CSMD3: variants seen among roughly 807,000 people sequenced by gnomAD.
The protein encoded by CSMD3 is CUB and Sushi multiple domains 3.
CSMD3 carries 177 observed loss-of-function variants against 435.2 expected under a neutral mutation model. The ratio of observed to expected loss-of-function variants is 0.41; its 90% CI spans 0.36 to 0.46. The LOEUF (loss-of-function observed/expected upper bound fraction) is 0.46. Among genes scored for constraint, CSMD3 ranks in the 20% least tolerant of loss-of-function variants. The probability of loss-of-function intolerance (pLI) is 0.34; values close to 1 mark genes in which losing one functional copy is unlikely to be tolerated. For synonymous variants in CSMD3, 1,656 were observed against 1,520.5 expected, an observed-to-expected ratio of 1.09 and a Z score of -2.07; for missense variants, 4,265 against 4,504.6, an observed-to-expected ratio of 0.95 and a Z score of 1.52.
intron 10 of CSMD3, among the ~76,000 whole-genome samples, chr8:112,917,875 T>C (rs1030589318): frequency 1.3e-5 from 2 of 151,964 alleles, no homozygotes; most frequent in African/African-American, 4.8e-5. Flanking sequence ...TCAATTCACA[T>C]TGTGATTGCC....
chr8:113,187,144 T>C (rs1033645218), intron 3 of CSMD3, among the ~76,000 whole-genome samples: 1 of 151,850 alleles, frequency 6.6e-6, no homozygotes, highest in Admixed American at 6.6e-5. Flanking sequence ...TGGGAGTTTT[T>C]TTTTTTCTTC....
intron 9 of CSMD3, among the ~76,000 whole-genome samples, chr8:112,925,649 T>C (rs370229003): frequency 3.3e-4 from 51 of 152,276 alleles, no homozygotes; most frequent in African/African-American, 1.2e-3. Context: ...TAAGTTAAGA[T>C]GGAGCAGTAA....
intron 32 of CSMD3, among the ~76,000 whole-genome samples, chr8:112,458,215 C>CCACA (rs1283555462): frequency 6.6e-6 from 1 of 150,690 alleles, no homozygotes; most frequent in Non-Finnish European, 1.5e-5. Flanking sequence ...ACACTCACAC[C>CCACA]CACACACACA....
chr8:112,613,178 A>C (rs1833398625), intron 22 of CSMD3, among the ~76,000 whole-genome samples: 2 of 152,108 alleles, frequency 1.3e-5, no homozygotes, highest in African/African-American at 2.4e-5. Context: ...TGTCACCTAA[A>C]GGTGTCTTAA....
intron 68 of CSMD3, 129 bp downstream of exon 68, chr8:112,234,232 ATATT>A (rs1306164992): frequency 1.6e-5 from 9 of 570,614 alleles, no homozygotes; most frequent in Non-Finnish European, 2.7e-5. Context: ...AGAATACTAA[ATATT>A]TATATTTACT....
intron 13 of CSMD3, among the ~76,000 whole-genome samples, chr8:112,789,610 T>C (rs979265041): frequency 3.5e-5 from 5 of 142,040 alleles, no homozygotes; most frequent in African/African-American, 1.2e-4. Flanking sequence ...ATTATGTTAG[T>C]ATATGACAGA....
chr8:113,285,113 G>T (rs1247477996), intron 2 of CSMD3, among the ~76,000 whole-genome samples: 2 of 152,128 alleles, frequency 1.3e-5, no homozygotes, highest in African/African-American at 2.4e-5. Flanking sequence ...GCCCATGTAG[G>T]TTTCTTAACA....
At chr8:112,704,223 C>G (rs1322375433) in intron 13 of CSMD3, among the ~76,000 whole-genome samples, 3 of 151,896 alleles carry the variant, frequency 2.0e-5, no homozygotes, top group Non-Finnish European at 4.4e-5. Flanking sequence ...TCAATGATCC[C>G]CCCACCTCAA....
At chr8:112,339,148 T>C (rs188260713) in intron 42 of CSMD3, among the ~76,000 whole-genome samples, 18 of 152,148 alleles carry the variant, frequency 1.2e-4, no homozygotes, top group Admixed American at 1.0e-3. Flanking sequence ...AGATGAGAAA[T>C]TGGCTGTCTG....
chr8:112,738,114 T>A lies in CSMD3; in HGVS notation c.1973-48064A>T, dbSNP rs941872325. ...TAGATTATGGTGTCATTGATGCAGATATAAGCAGAGAGGTGGGGGGAAGAA... is the reference window on the plus strand; with the variant it reads ...TAGATTATGGTGTCATTGATGCAGAAATAAGCAGAGAGGTGGGGGGAAGAA... On this transcript the variant is annotated intron_variant, in intron 13 of 70. Coordinates refer to ENST00000297405, the MANE Select transcript of CSMD3 (RefSeq NM_198123.2). Among the ~76,000 whole-genome samples, 9 of 151,776 alleles carry A rather than the reference T, an allele frequency of 5.9e-5. No homozygotes were observed. In the East Asian group the frequency reaches 1.4e-3, roughly 23 times the overall value.
intron 6 of CSMD3, among the ~76,000 whole-genome samples, chr8:112,993,304 CTA>C (rs1466007084): frequency 6.6e-6 from 1 of 151,722 alleles, no homozygotes; most frequent in African/African-American, 2.4e-5. Flanking sequence ...TAATGCTTTT[CTA>C]TGACCCTTTA....
intron 59 of CSMD3, among the ~76,000 whole-genome samples, chr8:112,273,399 T>C (rs1040871509): frequency 2.0e-5 from 3 of 152,164 alleles, no homozygotes; most frequent in Non-Finnish European, 4.4e-5. Context: ...CTATGTGCTA[T>C]GTTAGCCATA....
At chr8:113,266,272 A>T (rs1396365320) in intron 3 of CSMD3, among the ~76,000 whole-genome samples, 1 of 151,276 alleles carries the variant, frequency 6.6e-6, no homozygotes, top group Non-Finnish European at 1.5e-5. Flanking sequence ...AGAATGGCAA[A>T]TAGTAAAACT....
At position 112,292,605 on chromosome 8, in the gene CSMD3, A is replaced by G. The variant is rs751901163; in HGVS notation, c.8720T>C (p.Met2907Thr). Residue 2907 changes from methionine (M) to threonine (T), a missense_variant, in exon 55 of 71, where the codon ATG (methionine) becomes ACG (threonine). This residue lies in a region of CSMD3 where 3,255 missense variants were observed against 3,380.2 expected (regional missense o/e 0.96). Transcript: ENST00000297405. Reference protein sequence around the residue: ...VTFSCNIGYLMQGPTKAQCQA... With the variant: ...VTFSCNIGYLTQGPTKAQCQA... Reference sequence around the variant, plus strand: ...GCACTGTGCCTTTGTTGGCCCTTGCATAAGATACCCAATATTGCATGAGAA... The same window carrying G: ...GCACTGTGCCTTTGTTGGCCCTTGCGTAAGATACCCAATATTGCATGAGAA... The G allele has an allele frequency of 4.6e-5, 74 of 1,613,856 alleles. No individual in the cohort carries two copies. Among genetic ancestry groups the G allele is most frequent in the South Asian group, 6.6e-5 (6 of 91,088 alleles).
intron 32 of CSMD3, among the ~76,000 whole-genome samples, chr8:112,426,888 C>A (rs929168930): frequency 1.3e-5 from 2 of 152,170 alleles, no homozygotes; most frequent in Non-Finnish European, 2.9e-5. Flanking sequence ...TGTTTTCACT[C>A]TTTTCAGGTA....
intron 38 of CSMD3, among the ~76,000 whole-genome samples, chr8:112,355,847 T>G (rs531258294): frequency 6.6e-6 from 1 of 150,626 alleles, no homozygotes; most frequent in Admixed American, 6.6e-5. Flanking sequence ...AATAAATAGA[T>G]AAAAAATAAA....
chr8:112,757,799 A>C (rs1051670104), intron 13 of CSMD3, among the ~76,000 whole-genome samples: 1 of 152,074 alleles, frequency 6.6e-6, no homozygotes, highest in Non-Finnish European at 1.5e-5. Context: ...CACACCTGTA[A>C]TCCCAACACT....
chr8:113,325,525 T>C (rs932711810), intron 1 of CSMD3, among the ~76,000 whole-genome samples: 3 of 152,192 alleles, frequency 2.0e-5, no homozygotes, highest in African/African-American at 7.2e-5. Context: ...CTGTAGTTCA[T>C]TAAAGCTCTT....
At chr8:113,022,516 A>G (rs2086719356) in intron 5 of CSMD3, among the ~76,000 whole-genome samples, 1 of 151,844 alleles carries the variant, frequency 6.6e-6, no homozygotes, top group Admixed American at 6.6e-5. Flanking sequence ...GTGGCAAATG[A>G]CATATAACAA....
Sources: gnomAD v4.1 joint callset for allele counts (sites outside exome capture counted in the v4.1 genomes callset) on GRCh38, gnomAD v4.1.1 for gene constraint, gnomAD v4.1.1 regional missense constraint, MANE v1.5 for transcripts, NCBI Gene and HGNC (gene_info 2026-07-23, HGNC 2026-07-21) for gene names.